The following VWA3B variants were observed in gnomAD, a reference collection of about 807,000 sequenced individuals.
VWA3B encodes the protein von Willebrand factor A domain-containing protein 3B.
In VWA3B, 138 loss-of-function variants were observed where a neutral mutation model predicts 158.3. The observed-to-expected ratio is 0.87, with a 90% CI of 0.76 to 1.00. The LOEUF (loss-of-function observed/expected upper bound fraction) is 1.00. VWA3B is among the 50% of genes least tolerant of loss of function. VWA3B has a pLI of 0.00. For missense variants in VWA3B, 1,555 were observed against 1,565.1 expected, an observed-to-expected ratio of 0.99 and a Z score of 0.11; for synonymous variants, 596 against 587.3, an observed-to-expected ratio of 1.01 and a Z score of -0.21.
In VWA3B at chr2:98,137,674, TAA is replaced by T. The variant is rs1370587003; in HGVS notation, c.988+3736_988+3737del. Among the ~76,000 whole-genome samples the T allele has an allele frequency of 5.3e-5, 8 of 152,324 alleles. No homozygotes were observed. The East Asian group carries it at 9.6e-4, about 18-fold the overall frequency. On this transcript the variant is annotated intron_variant, in intron 7 of 27. Transcript: ENST00000477737. ...ACAATTAAAAAGTGTATTAATACAT[TAA>T]GTTTATTTTGGGAGTATATTTATAT...
At chr2:98,250,490 A>G in intron 20 of VWA3B, 54 bp downstream of exon 20, 3 of 1,360,812 alleles carry the variant, frequency 2.2e-6, no homozygotes. Flanking sequence ...TTTTATGGAG[A>G]AGGAGACTTC....
At chr2:98,189,721 T>C (rs540774466) in intron 10 of VWA3B, among the ~76,000 whole-genome samples, 4 of 152,342 alleles carry the variant, frequency 2.6e-5, no homozygotes, top group African/African-American at 9.6e-5. Flanking sequence ...CTGTTTTTTC[T>C]TCATGTATTT....
chr2:98,240,902 T>C (rs1686033775), intron 19 of VWA3B, among the ~76,000 whole-genome samples: 2 of 152,174 alleles, frequency 1.3e-5, no homozygotes, highest in South Asian at 4.1e-4. Context: ...TGACTTTTAT[T>C]ATAAAAATAT....
intron 8 of VWA3B, among the ~76,000 whole-genome samples, chr2:98,169,739 G>T (rs953086401): frequency 3.3e-5 from 5 of 151,594 alleles, no homozygotes; most frequent in Non-Finnish European, 7.4e-5. Context: ...GTGTGTGTGT[G>T]TGTGTGTGTG....
At chr2:98,270,170 GT>G (rs1688107785) in intron 21 of VWA3B, among the ~76,000 whole-genome samples, 1 of 152,172 alleles carries the variant, frequency 6.6e-6, no homozygotes, top group Non-Finnish European at 1.5e-5. Context: ...AAGCCAAATA[GT>G]TTAGACTTAT....
intron 5 of VWA3B, among the ~76,000 whole-genome samples, chr2:98,126,150 G>C (rs890607050): frequency 6.6e-6 from 1 of 152,176 alleles, no homozygotes; most frequent in African/African-American, 2.4e-5. Flanking sequence ...AATGAATAGT[G>C]AATAATGTCA....
intron 7 of VWA3B, among the ~76,000 whole-genome samples, chr2:98,150,203 A>G (rs1239450935): frequency 6.6e-6 from 1 of 152,112 alleles, no homozygotes; most frequent in African/African-American, 2.4e-5. Context: ...AAAAGTATTT[A>G]TTTATTCTGT....
intron 14 of VWA3B, among the ~76,000 whole-genome samples, chr2:98,221,706 G>A (rs908824256): frequency 1.1e-4 from 17 of 152,172 alleles, no homozygotes; most frequent in Non-Finnish European, 2.5e-4. Context: ...GACTGAGTGG[G>A]AAGCTGATCT....
At chr2:98,256,996 T>C (rs911374672) in intron 21 of VWA3B, among the ~76,000 whole-genome samples, 2 of 152,146 alleles carry the variant, frequency 1.3e-5, no homozygotes, top group African/African-American at 4.8e-5. Context: ...AGTAAATTAT[T>C]GTTAACTATG....
At chr2:98,304,603 T>C (rs533051016) in intron 26 of VWA3B, among the ~76,000 whole-genome samples, 1 of 152,296 alleles carries the variant, frequency 6.6e-6, no homozygotes, top group East Asian at 1.9e-4. Flanking sequence ...TCTGGGCTTA[T>C]GGAAGTCTCT....
chr2:98,280,390 C>T (rs972900307), intron 22 of VWA3B, among the ~76,000 whole-genome samples: 2 of 152,204 alleles, frequency 1.3e-5, no homozygotes, highest in Admixed American at 1.3e-4. Flanking sequence ...TTATTTTCAG[C>T]AAAGCTTTGA....
At chr2:98,096,314 G>A (rs1682706613) in intron 2 of VWA3B, among the ~76,000 whole-genome samples, 2 of 151,970 alleles carry the variant, frequency 1.3e-5, no homozygotes, top group Admixed American at 1.3e-4. Context: ...TGTTGCCCAG[G>A]CTGGAGTGCA....
At chr2:98,179,922 T>C (rs28438530) in intron 8 of VWA3B, among the ~76,000 whole-genome samples, 3 of 117,012 alleles carry the variant, frequency 2.6e-5, no homozygotes, top group Non-Finnish European at 3.7e-5. Context: ...TCTCTCTCCT[T>C]CCTCCCTTCC....
chr2:98,107,882 A>C (rs1162904328), intron 2 of VWA3B, among the ~76,000 whole-genome samples: 1 of 150,750 alleles, frequency 6.6e-6, no homozygotes, highest in East Asian at 1.9e-4. Flanking sequence ...TTTGATCTTT[A>C]TTATTTATTT....
intron 2 of VWA3B, among the ~76,000 whole-genome samples, chr2:98,094,983 G>A (rs1436034515): frequency 6.6e-6 from 1 of 152,104 alleles, no homozygotes; most frequent in Non-Finnish European, 1.5e-5. Flanking sequence ...ATTGATCTAT[G>A]TGTCTGTTTT....
At position 98,246,978 on chromosome 2, in the gene VWA3B, T is replaced by G. The variant is rs1338007717; in HGVS notation, c.2674-3340T>G. Among the ~76,000 whole-genome samples, 12 of 152,204 alleles carry G rather than the reference T, an allele frequency of 7.9e-5. No homozygotes were observed. The East Asian group carries it at 2.1e-3, about 27-fold the overall frequency. ...CTTGTATTTCTATTCCTTTAGTGAT[T>G]GTTTTAAAAGTTTTAATGTAATGAC... On this transcript the variant is annotated intron_variant, in intron 19 of 27. Transcript: ENST00000477737.
Position 98,166,513 on chromosome 2 carries a change from G to A in VWA3B, c.1114+3537G>A, listed in dbSNP as rs185687848. Among the ~76,000 whole-genome samples, 24 of 152,272 alleles carry A rather than the reference G, an allele frequency of 1.6e-4. No individual in the cohort carries two copies. The East Asian group carries it at 3.9e-3, about 24-fold the overall frequency. On this transcript the variant is annotated intron_variant, in intron 8 of 27. Coordinates refer to ENST00000477737, the MANE Select transcript of VWA3B (RefSeq NM_144992.5). ...TGTGCAGCACAGAGAGAAGGTGGCCGTCTCCTAGCCGGGAAGAACAGCCTC... is the reference window on the plus strand; with the variant it reads ...TGTGCAGCACAGAGAGAAGGTGGCCATCTCCTAGCCGGGAAGAACAGCCTC...
At chr2:98,162,676 T>C (rs868558945) in intron 7 of VWA3B, among the ~76,000 whole-genome samples, 175 bp from the exon 8 acceptor site, 2 of 152,250 alleles carry the variant, frequency 1.3e-5, no homozygotes, top group South Asian at 4.1e-4. Context: ...TGAGATGATA[T>C]CACTTCCTTG....
chr2:98,233,237 C>T (rs1685454659), intron 16 of VWA3B, among the ~76,000 whole-genome samples: 1 of 152,188 alleles, frequency 6.6e-6, no homozygotes, highest in East Asian at 1.9e-4. Context: ...CAATCATGTG[C>T]TGAGTTTCTA....
Sources: allele counts gnomAD v4.1 joint callset (sites outside exome capture counted in the v4.1 genomes callset), GRCh38; gene constraint gnomAD v4.1.1; transcripts MANE v1.5; gene names NCBI Gene and HGNC (gene_info 2026-07-23, HGNC 2026-07-21).